RAI1: variants seen among roughly 807,000 people sequenced by gnomAD.
RAI1 encodes the protein retinoic acid-induced protein 1.
Under a neutral mutation model 123.8 loss-of-function variants are expected in RAI1, and 9 were observed. The observed-to-expected ratio is 0.07, with a 90% CI of 0.04 to 0.13. The LOEUF is 0.13. RAI1 is among the 10% of genes least tolerant of loss of function. The pLI is 1.00. For synonymous variants in RAI1, 1,231 were observed against 1,127.3 expected, an observed-to-expected ratio of 1.09 and a Z score of -1.84; for missense variants, 2,256 against 2,545.8, an observed-to-expected ratio of 0.89 and a Z score of 2.45.
intron 3 of RAI1, chr17:17,802,280 C>G: frequency 2.4e-6 from 1 of 424,632 alleles, no homozygotes. Flanking sequence ...GTCACCGCCT[C>G]CTCTCACAGG....
chr17:17,727,530 C>T (rs1322497994), intron 2 of RAI1, among the ~76,000 whole-genome samples: 1 of 152,204 alleles, frequency 6.6e-6, no homozygotes, highest in African/African-American at 2.4e-5. Context: ...GGTGTGTTCA[C>T]GGGATCTGGC....
In RAI1 at chr17:17,795,729, G is replaced by C. The variant is rs760633826; in HGVS notation, c.2781G>C (p.Leu927=). 2.5e-6 allele frequency: 4 copies of C among 1,613,418 alleles called. No individual in the cohort carries two copies. Among genetic ancestry groups the C allele is most frequent in the East Asian group, 2.2e-5 (1 of 44,874 alleles). The change falls in exon 3 of 6, where the codon CTG becomes CTC. Residue 927 remains leucine (L), a synonymous_variant. Coordinates refer to ENST00000353383, the MANE Select transcript of RAI1 (RefSeq NM_030665.4). The surrounding 1 kb of genome is among the most constrained non-coding windows in gnomAD (Gnocchi z 5.9). ...ACCTCTCAGGGGAGTCCGTCATCCTGCTGGGCCCTACAGTGGGCACCGAGT... is the reference window on the plus strand; with the variant it reads ...ACCTCTCAGGGGAGTCCGTCATCCTCCTGGGCCCTACAGTGGGCACCGAGT... ...PCHLSGESVI[L]LGPTVGTESK...
At position 17,685,429 on chromosome 17, in the gene RAI1, C is replaced by T. The variant is rs1167810877; in HGVS notation, c.-149+3636C>T. Among the ~76,000 whole-genome samples, 1 of 152,206 alleles carries T rather than the reference C, an allele frequency of 6.6e-6. No individual in the cohort carries two copies. The highest frequency in any genetic ancestry group is 1.5e-5 in the Non-Finnish European group (1 of 68,042). On this transcript the variant is annotated intron_variant, in intron 1 of 5. Transcript: ENST00000353383. This position sits in a 1 kb window ranked among gnomAD's most constrained non-coding sequence, Gnocchi z 4.0. ...AGCTGGAGGCTTCCTGGAGGAGGGGCCTTTGAGCAGGTGCTTCAGGCACGG... is the reference window on the plus strand; with the variant it reads ...AGCTGGAGGCTTCCTGGAGGAGGGGTCTTTGAGCAGGTGCTTCAGGCACGG...
At chr17:17,697,351 G>C (rs956059265) in intron 1 of RAI1, among the ~76,000 whole-genome samples, 5 of 152,232 alleles carry the variant, frequency 3.3e-5, no homozygotes. Flanking sequence ...TGTGGCATGG[G>C]CACGCCATGC....
At chr17:17,689,025 G>A (rs532837668) in intron 1 of RAI1, among the ~76,000 whole-genome samples, 90 of 150,398 alleles carry the variant, frequency 6.0e-4, no homozygotes, top group Non-Finnish European at 1.1e-3. Context: ...GCTCGACCTC[G>A]GCTCACTGCA....
chr17:17,684,704 A>ATGTATGTATG (rs58195520), intron 1 of RAI1: 2 of 119,542 alleles, frequency 1.7e-5, no homozygotes, highest in African/African-American at 7.8e-5. Flanking sequence ...ATATATATAT[A>ATGTATGTATG]TATGTATGTA....
At chr17:17,752,470 G>A (rs2030232020) in intron 2 of RAI1, among the ~76,000 whole-genome samples, 1 of 152,212 alleles carries the variant, frequency 6.6e-6, no homozygotes, top group Non-Finnish European at 1.5e-5. Context: ...AAGGGGCGGG[G>A]CTTCCGGAAC....
At position 17,743,632 on chromosome 17, in the gene RAI1, C is replaced by T. The variant is rs535788973; in HGVS notation, c.-17+19473C>T. ...CACGTGGTTTCTCTGGGGCTGCCTCCTGACCCCAATGGGCAGGCACCAGGT... is the reference window on the plus strand; with the variant it reads ...CACGTGGTTTCTCTGGGGCTGCCTCTTGACCCCAATGGGCAGGCACCAGGT... On this transcript the variant is annotated intron_variant, in intron 2 of 5. Transcript: ENST00000353383. Among the ~76,000 whole-genome samples, 29 of 152,352 alleles carry T rather than the reference C, an allele frequency of 1.9e-4. No homozygotes were observed. In the South Asian group the frequency reaches 5.8e-3, roughly 30 times the overall value.
chr17:17,788,029 G>A (rs891554935), intron 2 of RAI1, among the ~76,000 whole-genome samples: 5 of 152,172 alleles, frequency 3.3e-5, no homozygotes, highest in African/African-American at 1.2e-4. Flanking sequence ...CCTGGCTAGG[G>A]CTGCCCTTCT....
In RAI1 at chr17:17,782,873, C is replaced by G. The variant is rs2031648503; in HGVS notation, c.-16-10060C>G. Among the ~76,000 whole-genome samples the G allele has an allele frequency of 4.6e-5, 7 of 152,172 alleles. 1 individual carries two copies. In the South Asian group the frequency reaches 1.4e-3, roughly 31 times the overall value. On this transcript the variant is annotated intron_variant, in intron 2 of 5. Transcript: ENST00000353383. ...GGCCTCTGTCCTTCGCGTCCTCGCCCTTACCGAGGCGTGGGGAGGGAGCTG... is the reference window on the plus strand; with the variant it reads ...GGCCTCTGTCCTTCGCGTCCTCGCCGTTACCGAGGCGTGGGGAGGGAGCTG...
At chr17:17,784,909 C>T (rs972839294) in intron 2 of RAI1, among the ~76,000 whole-genome samples, 1 of 152,152 alleles carries the variant, frequency 6.6e-6, no homozygotes, top group Non-Finnish European at 1.5e-5. Context: ...TGCAGCCCCC[C>T]AGTCCCACCC....
At chr17:17,736,610 A>G (rs1916444404) in intron 2 of RAI1, among the ~76,000 whole-genome samples, 1 of 152,204 alleles carries the variant, frequency 6.6e-6, no homozygotes, top group Admixed American at 6.5e-5. Context: ...CCAGAAATGG[A>G]ATGTTTTTAG....
At chr17:17,754,139 G>T (rs1368065031) in intron 2 of RAI1, among the ~76,000 whole-genome samples, 1 of 151,536 alleles carries the variant, frequency 6.6e-6, no homozygotes, top group East Asian at 1.9e-4. Context: ...TGGCACCTGG[G>T]GTGTCTTCCT....
intron 1 of RAI1, among the ~76,000 whole-genome samples, chr17:17,713,978 C>G (rs565951200): frequency 2.0e-5 from 3 of 152,232 alleles, no homozygotes; most frequent in Admixed American, 1.3e-4. Context: ...TTGGTCAAGT[C>G]ACAGGACCAG....
intron 1 of RAI1, among the ~76,000 whole-genome samples, chr17:17,703,662 CAG>C (rs1337571204): frequency 4.6e-5 from 7 of 152,132 alleles, no homozygotes; most frequent in African/African-American, 1.7e-4. Flanking sequence ...TTAGTTGCAA[CAG>C]GGGCTTGCTC....
chr17:17,805,875 C>T (rs866101192), intron 4 of RAI1, among the ~76,000 whole-genome samples: 6 of 152,126 alleles, frequency 3.9e-5, no homozygotes, highest in South Asian at 4.1e-4. Context: ...CAGTGATTAA[C>T]TTAGCGCCCG....
In RAI1 at chr17:17,795,134, T is replaced by G. The variant is rs759206181; in HGVS notation, c.2186T>G (p.Phe729Cys). The part of the protein sequence containing the change: ...PDPTTAAFDC[F>C]PDTTAASSAD... ...CCCACTACAGCAGCTTTTGACTGTTTCCCGGACACAACCGCTGCCAGCTCA... is the reference window on the plus strand; with the variant it reads ...CCCACTACAGCAGCTTTTGACTGTTGCCCGGACACAACCGCTGCCAGCTCA... The change falls in exon 3 of 6, where the codon TTC (phenylalanine) becomes TGC (cysteine). Residue 729 changes from phenylalanine (F) to cysteine (C), a missense_variant. Physicochemically the swap from Phe to Cys is radical, Grantham distance 205. Transcript: ENST00000353383. This position sits in a 1 kb window ranked among gnomAD's most constrained non-coding sequence, Gnocchi z 5.9. 14 of 1,613,928 alleles carry G rather than the reference T, an allele frequency of 8.7e-6. No homozygotes were observed. The highest frequency in any genetic ancestry group is 1.0e-5 in the Non-Finnish European group (12 of 1,180,026).
In RAI1 at chr17:17,695,663, A is replaced by G. The variant is rs566293900; in HGVS notation, c.-149+13870A>G. Among the ~76,000 whole-genome samples the G allele has an allele frequency of 7.2e-5, 11 of 152,162 alleles. No individual in the cohort carries two copies. In the East Asian group the frequency reaches 2.1e-3, roughly 29 times the overall value. On this transcript the variant is annotated intron_variant, in intron 1 of 5. Coordinates refer to ENST00000353383, the MANE Select transcript of RAI1 (RefSeq NM_030665.4). ...TGCCTCAGCCTCCCGAGTAGCTGAG[A>G]TTACAGGCACTTACCACGGCTAATT...
chr17:17,747,270 C>G (rs1158175137), intron 2 of RAI1, among the ~76,000 whole-genome samples: 2 of 152,020 alleles, frequency 1.3e-5, no homozygotes, highest in African/African-American at 2.4e-5. Context: ...TCCCCAAACC[C>G]CTGGGGCTGC....
Sources: gnomAD v4.1 joint callset for allele counts (sites outside exome capture counted in the v4.1 genomes callset) on GRCh38, gnomAD v4.1.1 for gene constraint, Gnocchi (gnomAD v3.1) non-coding constraint, MANE v1.5 for transcripts, NCBI Gene and HGNC (gene_info 2026-07-23, HGNC 2026-07-21) for gene names.